ADCK1: variants seen among roughly 807,000 people sequenced by gnomAD.
The protein encoded by ADCK1 is aarF domain-containing protein kinase 1.
Under a neutral mutation model 52.3 loss-of-function variants are expected in ADCK1, and 41 were observed. The observed-to-expected ratio is 0.78, with a 90% CI of 0.61 to 1.02. The LOEUF (loss-of-function observed/expected upper bound fraction) is 1.02. Among genes scored for constraint, ADCK1 ranks in the 50% least tolerant of loss-of-function variants. ADCK1 has a pLI of 0.00. For synonymous variants in ADCK1, 250 were observed against 274.6 expected, an observed-to-expected ratio of 0.91 and a Z score of 0.89; for missense variants, 658 against 679.5, an observed-to-expected ratio of 0.97 and a Z score of 0.35.
chr14:77,859,021 G>C, intron 3 of ADCK1, 55 bp from the exon 4 acceptor site: 1 of 1,492,520 alleles, frequency 6.7e-7, no homozygotes, highest in Non-Finnish European at 9.0e-7. Context: ...AGGGAACAAG[G>C]TGTAGGGAAC....
intron 4 of ADCK1, among the ~76,000 whole-genome samples, 164 bp from the exon 5 acceptor site, chr14:77,886,916 ACACACACACAC>A (rs777453577): frequency 1.8e-5 from 2 of 108,992 alleles, no homozygotes; most frequent in Non-Finnish European, 3.8e-5. Flanking sequence ...CAACACACAC[ACACACACACAC>A]ACACACACAC....
chr14:77,850,499 G>C (rs1017053029), intron 3 of ADCK1, among the ~76,000 whole-genome samples: 1 of 152,090 alleles, frequency 6.6e-6, no homozygotes, highest in Non-Finnish European at 1.5e-5. Context: ...AAATGTTTAG[G>C]ATGGTATATC....
At chr14:77,833,248 T>A (rs1363907776) in intron 3 of ADCK1, among the ~76,000 whole-genome samples, 1 of 152,210 alleles carries the variant, frequency 6.6e-6, no homozygotes, top group African/African-American at 2.4e-5. Context: ...GGAGTAGTGG[T>A]CTGGGTCTCA....
At chr14:77,916,032 C>G (rs8006523) in intron 7 of ADCK1, among the ~76,000 whole-genome samples, 8 of 152,168 alleles carry the variant, frequency 5.3e-5, no homozygotes, top group African/African-American at 1.4e-4. Flanking sequence ...ATGTGGTGCT[C>G]GTAGTACATT....
intron 3 of ADCK1, among the ~76,000 whole-genome samples, chr14:77,856,459 C>A (rs8015596): frequency 0.23 from 34,937 of 151,960 alleles, 4,069 homozygotes; most frequent in Middle Eastern, 0.33. Context: ...CACTTACACA[C>A]CCCTAAGCCC....
At chr14:77,880,919 A>G (rs1175214033) in intron 4 of ADCK1, among the ~76,000 whole-genome samples, 2 of 152,244 alleles carry the variant, frequency 1.3e-5, no homozygotes, top group Admixed American at 6.5e-5. Context: ...AGGCTAAGGA[A>G]TAGCAAATTG....
In ADCK1 at chr14:77,923,021, A is replaced by G. The variant is rs1233933289; in HGVS notation, c.859-1436A>G. ...ACTGTTACAAGCAAGTGGATACATA[A>G]TAGAGCCAGTCTGTGGTCCATAAAT... is the stretch of plus-strand genomic sequence containing the variant. On this transcript the variant is annotated intron_variant, in intron 7 of 10. Transcript: ENST00000238561. The surrounding 1 kb of genome is among the most constrained non-coding windows in gnomAD (Gnocchi z 4.3). Among the ~76,000 whole-genome samples, 3 of 152,242 alleles carry G rather than the reference A, an allele frequency of 2.0e-5. No homozygotes were observed. Among genetic ancestry groups the G allele is most frequent in the Non-Finnish European group, 4.4e-5 (3 of 68,048 alleles).
intron 9 of ADCK1, among the ~76,000 whole-genome samples, chr14:77,929,705 T>C (rs1340707113): frequency 3.3e-5 from 5 of 152,104 alleles, no homozygotes; most frequent in Middle Eastern, 3.2e-3. Flanking sequence ...CTCGCTCTGT[T>C]GTCTAGGCTG....
chr14:77,805,252 CTTTTTTTTTTTTT>C lies in ADCK1; in HGVS notation c.-12+5097_-12+5109del, dbSNP rs777184096. ...AAAGAGTCATTTTTGGCTTTGCATT[CTTTTTTTTTTTTT>C]TTTTTTTTTTTTTTGAGACAGAGTC... On this transcript the variant is annotated intron_variant, in intron 1 of 10. Transcript: ENST00000238561. 1.6e-4 allele frequency among the ~76,000 whole-genome samples: 10 copies of C among 62,316 alleles called. No homozygotes were observed. The East Asian group carries it at 1.9e-3, about 12-fold the overall frequency. The allele number at this position is 62,316 out of a possible 152,430, so 40.9% of individuals were successfully genotyped here. A position where few individuals can be genotyped will look rare whatever the true frequency, so the allele number is the denominator to read the frequency against.
Position 77,924,521 on chromosome 14 carries a change from A to G in ADCK1, c.923A>G (p.Asp308Gly), listed in dbSNP as rs765610934. ...MIFVNGFVHC[D>G]PHPGNVLVRK... Reference sequence around the variant, plus strand: ...TTCGTCAATGGCTTCGTGCACTGCGATCCCCACCCCGGCAATGTACTGGTG... The same window carrying G: ...TTCGTCAATGGCTTCGTGCACTGCGGTCCCCACCCCGGCAATGTACTGGTG... Residue 308 changes from aspartate to glycine, a missense_variant, in exon 8 of 11, where the codon GAT (aspartate) becomes GGT (glycine). Asp to Gly is a moderately conservative substitution (Grantham distance 94). Transcript: ENST00000238561. The G allele has an allele frequency of 2.5e-6, 4 of 1,614,098 alleles. No individual in the cohort carries two copies. Among genetic ancestry groups the G allele is most frequent in the East Asian group, 2.2e-5 (1 of 44,884 alleles).
intron 5 of ADCK1, among the ~76,000 whole-genome samples, chr14:77,892,806 G>T (rs1363870198): frequency 6.6e-6 from 1 of 152,172 alleles, no homozygotes; most frequent in East Asian, 1.9e-4. Flanking sequence ...GGACATGAAG[G>T]ATGTACAAAC....
intron 2 of ADCK1, among the ~76,000 whole-genome samples, chr14:77,819,549 T>A (rs143389070): frequency 1.3e-3 from 197 of 152,342 alleles, no homozygotes; most frequent in African/African-American, 4.4e-3. Context: ...GAATGGTTCC[T>A]GATGCAGGAC....
intron 7 of ADCK1, among the ~76,000 whole-genome samples, chr14:77,910,994 G>A (rs1273668809): frequency 2.0e-5 from 3 of 152,190 alleles, no homozygotes; most frequent in East Asian, 1.9e-4. Context: ...AGGGGAGAGT[G>A]TTGGTTGTTT....
At chr14:77,817,429 C>T in intron 1 of ADCK1, among the ~76,000 whole-genome samples, 1 of 152,160 alleles carries the variant, frequency 6.6e-6, no homozygotes, top group East Asian at 1.9e-4. Context: ...TGGCACTTCT[C>T]TCCTGGCAGC....
intron 3 of ADCK1, among the ~76,000 whole-genome samples, chr14:77,837,214 A>G (rs958505353): frequency 4.7e-5 from 7 of 149,392 alleles, no homozygotes; most frequent in Admixed American, 3.3e-4. Context: ...GAGTGGTACA[A>G]TCTCTTCTGC....
chr14:77,869,233 C>A (rs2082725316), intron 4 of ADCK1, among the ~76,000 whole-genome samples: 1 of 152,174 alleles, frequency 6.6e-6, no homozygotes. Context: ...GTTCTGGAGG[C>A]CAGAGGTCTG....
intron 6 of ADCK1, among the ~76,000 whole-genome samples, chr14:77,906,004 G>T (rs1177197894): frequency 6.6e-6 from 1 of 152,172 alleles, no homozygotes; most frequent in Non-Finnish European, 1.5e-5. Flanking sequence ...TTGCTTTCTG[G>T]TGGAAACTTT....
rs35317275 is a variant in ADCK1, at chr14:77,814,895, A to AT, written c.-11-4060dup. 8.7e-3 allele frequency among the ~76,000 whole-genome samples: 1,269 copies of AT among 145,032 alleles called. 17 individuals carry two copies. The highest frequency in any genetic ancestry group is 0.029 in the African/African-American group (1,153 of 39,578). On this transcript the variant is annotated intron_variant, in intron 1 of 10. Transcript: ENST00000238561. ...ATTTTACTAAAAAAATTAAAAAAAA[A>AT]TTTTTTTTTTTTTGAGAAGGAGTCT...
chr14:77,933,509 C>T lies in ADCK1; in HGVS notation c.*118C>T. ...TGGCCCGCAGCCCCAGAGTCACTGTCCATGTCACCATCCTTCTCCTCCTTT... is the reference window on the plus strand; with the variant it reads ...TGGCCCGCAGCCCCAGAGTCACTGTTCATGTCACCATCCTTCTCCTCCTTT... On this transcript the variant is annotated 3_prime_UTR_variant, in exon 11 of 11. Transcript: ENST00000238561. 8.0e-7 allele frequency: 1 copy of T among 1,250,304 alleles called. No individual in the cohort carries two copies. Among genetic ancestry groups the T allele is most frequent in the Non-Finnish European group, 1.1e-6 (1 of 875,286 alleles). The allele number at this position is 1,250,304 out of a possible 1,614,324, so 77.5% of individuals were successfully genotyped here.
Sources: gnomAD v4.1 joint callset for allele counts (sites outside exome capture counted in the v4.1 genomes callset) on GRCh38, gnomAD v4.1.1 for gene constraint, Gnocchi (gnomAD v3.1) non-coding constraint, MANE v1.5 for transcripts, NCBI Gene and HGNC (gene_info 2026-07-23, HGNC 2026-07-21) for gene names.